The following MPHOSPH10 variants were observed in gnomAD, a reference collection of about 807,000 sequenced individuals.
The protein encoded by MPHOSPH10 is U3 small nucleolar ribonucleoprotein MPP10.
A neutral mutation model predicts 77.3 loss-of-function variants in MPHOSPH10; 33 were observed. That is an observed-to-expected ratio of 0.43 (90% CI 0.32 to 0.57). The LOEUF (loss-of-function observed/expected upper bound fraction) is 0.57. Ranked by LOEUF, MPHOSPH10 falls within the 20% of genes least tolerant of loss-of-function variation. MPHOSPH10 has a pLI of 0.07. For synonymous variants in MPHOSPH10, 245 were observed against 268.0 expected (o/e 0.91, Z 0.84); for missense variants, 708 against 780.1 (o/e 0.91, Z 1.10).
At position 71,149,203 on chromosome 2, in the gene MPHOSPH10, G is replaced by T; in HGVS notation, c.1666-20G>T. ...GTTAAACTTGATGAATGAATATGTT[G>T]GTGGTTATTTTTTTAATAGGAGAAA... On this transcript the variant is annotated intron_variant, in intron 9 of 10. Transcript: ENST00000244230. 1.3e-6 allele frequency: 2 copies of T among 1,526,908 alleles called. No homozygotes were observed. The highest frequency in any genetic ancestry group is 2.5e-5 in the South Asian group (2 of 79,770). 94.6% of individuals were successfully genotyped at this position (1,526,908 alleles called of 1,614,324 possible).
chr2:71,149,091 T>C (rs1173814067), intron 9 of MPHOSPH10, 132 bp from the exon 10 acceptor site: 2 of 746,936 alleles, frequency 2.7e-6, no homozygotes, highest in African/African-American at 3.6e-5. Flanking sequence ...CAGGTGGGGA[T>C]TGCTCTGCAT....
chr2:71,136,661 G>A (rs963734310), intron 4 of MPHOSPH10, among the ~76,000 whole-genome samples: 4 of 152,004 alleles, frequency 2.6e-5, no homozygotes, highest in African/African-American at 7.2e-5. Context: ...GGGAAAAAAA[G>A]CACCATTATA....
intron 7 of MPHOSPH10, among the ~76,000 whole-genome samples, chr2:71,142,926 A>G (rs1338945513): frequency 6.6e-6 from 1 of 152,180 alleles, no homozygotes; most frequent in Non-Finnish European, 1.5e-5. Context: ...TTAGGCATTT[A>G]GAATAAGCAT....
intron 9 of MPHOSPH10, 195 bp downstream of exon 9, chr2:71,148,301 G>T: frequency 3.9e-6 from 2 of 511,270 alleles, no homozygotes; most frequent in Admixed American, 3.2e-5. Flanking sequence ...TTTATTATGA[G>T]GTACAGGTTT....
intron 8 of MPHOSPH10, among the ~76,000 whole-genome samples, chr2:71,147,022 CT>C (rs1198444262): frequency 2.6e-5 from 4 of 152,142 alleles, no homozygotes; most frequent in African/African-American, 4.8e-5. Context: ...ACATTGCATT[CT>C]TTCCCCCTTT....
intron 7 of MPHOSPH10, 198 bp from the exon 8 acceptor site, chr2:71,144,230 C>T: frequency 2.0e-6 from 1 of 496,118 alleles, no homozygotes; most frequent in Non-Finnish European, 3.6e-6. Flanking sequence ...TACTGTAGCT[C>T]CTAAAATGCA....
intron 4 of MPHOSPH10, among the ~76,000 whole-genome samples, chr2:71,135,757 C>T (rs747663282): frequency 1.1e-3 from 164 of 145,024 alleles, no homozygotes; most frequent in Non-Finnish European, 1.6e-3. Context: ...GGCTGGAGTG[C>T]AGTGGCGTGA....
chr2:71,133,192 G>A lies in MPHOSPH10; in HGVS notation c.384G>A (p.Glu128=). 6.2e-7 allele frequency: 1 copy of A among 1,614,154 alleles called. No homozygotes were observed. The highest frequency in any genetic ancestry group is 8.5e-7 in the Non-Finnish European group (1 of 1,180,022). Residue 128 remains glutamate (E), a synonymous_variant, in exon 2 of 11, where the codon GAG becomes GAA. Transcript: ENST00000244230. ...DGSEIEADDK[E]DLEDLEEEEV... is the part of the protein sequence containing the mutation. ...CAGAGATAGAGGCTGATGACAAGGA[G>A]GACCTAGAAGATTTAGAGGAGGAGG...
At chr2:71,140,127 A>T (rs1261505512) in intron 6 of MPHOSPH10, among the ~76,000 whole-genome samples, 1 of 152,178 alleles carries the variant, frequency 6.6e-6, no homozygotes, top group Non-Finnish European at 1.5e-5. Flanking sequence ...TGCTCAGTGA[A>T]GCTGGTGGCT....
intron 7 of MPHOSPH10, 24 bp downstream of exon 7, chr2:71,141,393 C>T: frequency 6.9e-7 from 1 of 1,456,636 alleles, no homozygotes; most frequent in South Asian, 1.5e-5. Context: ...TAAGGCCAAG[C>T]CATTATTATT....
In MPHOSPH10 at chr2:71,133,501, G is replaced by T; in HGVS notation, c.693G>T (p.Glu231Asp). ...GAAAAGATGATAATGATGAGGAGGA[G>T]GAAGATATTGATTTTTTTGAAGATA... ...EERKDDNDEE[E>D]EDIDFFEDID... The change falls in exon 2 of 11, where the codon GAG (glutamate) becomes GAT (aspartate). Residue 231 changes from glutamate (E) to aspartate (D), a missense_variant. Physicochemically the swap from Glu to Asp is conservative, Grantham distance 45. This residue lies in a region of MPHOSPH10 where 433 missense variants were observed against 432.6 expected (regional missense o/e 1.00). Transcript: ENST00000244230. The T allele has an allele frequency of 1.9e-6, 3 of 1,611,850 alleles. No individual in the cohort carries two copies. In the South Asian group the frequency reaches 3.3e-5, roughly 18 times the overall value.
chr2:71,130,732 G>A lies in MPHOSPH10; in HGVS notation c.67G>A (p.Gly23Ser). Residue 23 changes from glycine to serine, a missense_variant, in exon 1 of 11, where the codon GGT becomes AGT. Gly to Ser is a moderately conservative substitution (Grantham distance 56). Coordinates refer to ENST00000244230, the MANE Select transcript of MPHOSPH10 (RefSeq NM_005791.3). Reference protein sequence around the residue: ...RCLTEVGKATGRPECFLTIQE... With the variant: ...RCLTEVGKATSRPECFLTIQE... ...TCTGACGGAAGTCGGCAAAGCCACG[G>A]GTCGGCCCGAGTGCTTCCTCACGTA... is the stretch of plus-strand genomic sequence containing the variant. 6.2e-7 allele frequency: 1 copy of A among 1,610,396 alleles called. No homozygotes were observed. Among genetic ancestry groups the A allele is most frequent in the Non-Finnish European group, 8.5e-7 (1 of 1,179,012 alleles).
At chr2:71,144,320 G>C in intron 7 of MPHOSPH10, 108 bp from the exon 8 acceptor site, 1 of 827,328 alleles carries the variant, frequency 1.2e-6, no homozygotes, top group Non-Finnish European at 1.9e-6. Context: ...CTTTGTAGCT[G>C]AAGCTTTAGT....
At chr2:71,131,222 A>C (rs924706015) in intron 1 of MPHOSPH10, among the ~76,000 whole-genome samples, 4 of 152,192 alleles carry the variant, frequency 2.6e-5, no homozygotes, top group Admixed American at 6.5e-5. Flanking sequence ...AGAATTTAAA[A>C]TGTGATCTAT....
chr2:71,137,328 G>T (rs775304986), intron 4 of MPHOSPH10, among the ~76,000 whole-genome samples: 1 of 152,008 alleles, frequency 6.6e-6, no homozygotes, highest in Non-Finnish European at 1.5e-5. Context: ...TCTTTTAGAC[G>T]CATAGGCCAG....
intron 1 of MPHOSPH10, 117 bp from the exon 2 acceptor site, chr2:71,132,781 T>A: frequency 7.5e-7 from 1 of 1,326,410 alleles, no homozygotes; most frequent in African/African-American, 1.5e-5. Flanking sequence ...CCAGAATCTA[T>A]ACTTATACTT....
intron 7 of MPHOSPH10, 98 bp downstream of exon 7, chr2:71,141,467 A>C (rs1673610959): frequency 9.5e-7 from 1 of 1,048,236 alleles, no homozygotes; most frequent in Non-Finnish European, 1.3e-6. Flanking sequence ...AGAAATCTTG[A>C]GCTCTTTGGC....
chr2:71,132,892 C>A lies in MPHOSPH10; in HGVS notation c.90-6C>A. On this transcript the variant is annotated splice_polypyrimidine_tract_variant and splice_region_variant and intron_variant, in intron 1 of 10. Coordinates refer to ENST00000244230, the MANE Select transcript of MPHOSPH10 (RefSeq NM_005791.3). Reference sequence around the variant, plus strand: ...ATTCTAAATCTCACTTAATTCCTCCCAATAGGATTCAAGAGGGATTGGCAT... The same window carrying A: ...ATTCTAAATCTCACTTAATTCCTCCAAATAGGATTCAAGAGGGATTGGCAT... 6.3e-7 allele frequency: 1 copy of A among 1,589,496 alleles called. No individual in the cohort carries two copies. The highest frequency in any genetic ancestry group is 1.1e-5 in the South Asian group (1 of 88,564).
chr2:71,137,950 G>A lies in MPHOSPH10; in HGVS notation c.1099-540G>A, dbSNP rs756945450. Among the ~76,000 whole-genome samples the A allele has an allele frequency of 7.2e-5, 11 of 152,034 alleles. No homozygotes were observed. The South Asian group carries it at 1.3e-3, about 17-fold the overall frequency. ...CTACTAAAAAATACAAAAATTAGCC[G>A]GGCGTGGTGGCACACGCCTGTAATT... On this transcript the variant is annotated intron_variant, in intron 4 of 10. Transcript: ENST00000244230.
Sources: gnomAD v4.1 joint callset for allele counts (sites outside exome capture counted in the v4.1 genomes callset) on GRCh38, gnomAD v4.1.1 for gene constraint, gnomAD v4.1.1 regional missense constraint, MANE v1.5 for transcripts, NCBI Gene and HGNC (gene_info 2026-07-23, HGNC 2026-07-21) for gene names.